WWTR1: variants seen among roughly 807,000 people sequenced by gnomAD.
WWTR1 encodes WW domain containing transcription regulator 1.
A neutral mutation model predicts 40.1 loss-of-function variants in WWTR1; 13 were observed. The observed-to-expected ratio is 0.32, with a 90% CI of 0.21 to 0.52. The LOEUF is 0.52. WWTR1 is among the 20% of genes least tolerant of loss of function. The probability of loss-of-function intolerance (pLI) is 0.97; values close to 1 mark genes in which losing one functional copy is unlikely to be tolerated. For missense variants in WWTR1, 436 were observed against 523.1 expected (o/e 0.83, Z 1.63); for synonymous variants, 230 against 210.1 (o/e 1.09, Z -0.82).
intron 2 of WWTR1, among the ~76,000 whole-genome samples, chr3:149,595,065 G>A (rs1361791431): frequency 7.1e-6 from 1 of 141,258 alleles, no homozygotes; most frequent in Non-Finnish European, 1.5e-5. Flanking sequence ...AGGTTCAAGC[G>A]ATTCTCCTGC....
At chr3:149,600,766 C>A (rs2108048957) in intron 2 of WWTR1, among the ~76,000 whole-genome samples, 1 of 152,242 alleles carries the variant, frequency 6.6e-6, no homozygotes, top group East Asian at 1.9e-4. Context: ...ATATGATGTA[C>A]CAGTTTCCGG....
At chr3:149,523,240 A>C (rs1040771931) in intron 6 of WWTR1, among the ~76,000 whole-genome samples, 3 of 148,504 alleles carry the variant, frequency 2.0e-5, no homozygotes, top group Admixed American at 2.0e-4. Flanking sequence ...AGAGACAAAC[A>C]CAAGGCAATT....
intron 2 of WWTR1, among the ~76,000 whole-genome samples, chr3:149,583,463 C>T (rs796712613): frequency 2.6e-5 from 4 of 152,146 alleles, no homozygotes; most frequent in Non-Finnish European, 4.4e-5. Flanking sequence ...CTCAGCCTCC[C>T]GAGGCTGGGT....
upstream of WWTR1, chr3:149,659,331 A>ATTTTTTTTTTTTTTTTTTTTT (rs71138403): frequency 1.9e-4 from 20 of 106,462 alleles, 1 homozygote; most frequent in African/African-American, 5.8e-4. Context: ...TTGTGCCTTA[A>ATTTTTTTTTTTTTTTTTTTTT]TTTTTTTTTT....
intron 2 of WWTR1, among the ~76,000 whole-genome samples, chr3:149,638,417 A>G (rs916838186): frequency 2.6e-5 from 4 of 152,210 alleles, no homozygotes; most frequent in African/African-American, 9.7e-5. Context: ...ACAAGCCCCA[A>G]GTACAGTATA....
intron 3 of WWTR1, among the ~76,000 whole-genome samples, chr3:149,549,019 A>C (rs1385208784): frequency 1.3e-5 from 2 of 152,196 alleles, no homozygotes; most frequent in Non-Finnish European, 2.9e-5. Context: ...TAAAAATGTA[A>C]TTTCCACAAA....
intron 3 of WWTR1, among the ~76,000 whole-genome samples, chr3:149,549,635 CA>C: frequency 6.6e-6 from 1 of 152,182 alleles, no homozygotes. Context: ...GCCAGGAGTT[CA>C]AGACCAACCT....
chr3:149,627,330 G>C (rs985023070), intron 2 of WWTR1, among the ~76,000 whole-genome samples: 1 of 152,118 alleles, frequency 6.6e-6, no homozygotes, highest in African/African-American at 2.4e-5. Flanking sequence ...CCCATTTTCA[G>C]CCATGTAGGG....
chr3:149,689,476 A>G (rs1047824564), intron 1 of WWTR1, among the ~76,000 whole-genome samples: 2 of 151,522 alleles, frequency 1.3e-5, no homozygotes, highest in Admixed American at 6.6e-5. Flanking sequence ...AAACTCCCAG[A>G]GGTCAAGGAT....
At chr3:149,590,026 T>C (rs1011495582) in intron 2 of WWTR1, among the ~76,000 whole-genome samples, 9 of 152,192 alleles carry the variant, frequency 5.9e-5, no homozygotes, top group African/African-American at 2.2e-4. Context: ...TCTCAATTCA[T>C]TCCTGTTGAT....
chr3:149,673,634 C>T (rs1714164400), intron 1 of WWTR1, among the ~76,000 whole-genome samples: 1 of 152,078 alleles, frequency 6.6e-6, no homozygotes, highest in Non-Finnish European at 1.5e-5. Flanking sequence ...AATGGCCCCT[C>T]CTAGGTTTTG....
intron 2 of WWTR1, among the ~76,000 whole-genome samples, chr3:149,579,748 CTT>C (rs905911504): frequency 1.1e-4 from 16 of 152,236 alleles, no homozygotes; most frequent in African/African-American, 3.9e-4. Context: ...ATTTTTAAAA[CTT>C]TTTTGATTTA....
intron 2 of WWTR1, among the ~76,000 whole-genome samples, chr3:149,633,904 C>T (rs908836353): frequency 9.9e-5 from 15 of 152,000 alleles, no homozygotes; most frequent in African/African-American, 3.6e-4. Flanking sequence ...GGAGATCAGC[C>T]CTGACAGGAC....
At chr3:149,589,371 A>C (rs1738589970) in intron 2 of WWTR1, among the ~76,000 whole-genome samples, 1 of 152,344 alleles carries the variant, frequency 6.6e-6, no homozygotes, top group African/African-American at 2.4e-5. Context: ...TATCAAAGGA[A>C]GAAACCTACT....
intron 4 of WWTR1, among the ~76,000 whole-genome samples, chr3:149,538,301 C>T (rs368484905): frequency 1.3e-5 from 2 of 152,228 alleles, no homozygotes; most frequent in African/African-American, 4.8e-5. Flanking sequence ...GAAAGCAAAA[C>T]TTCAATAAGA....
chr3:149,643,476 C>T (rs1022527330), intron 2 of WWTR1, among the ~76,000 whole-genome samples: 3 of 152,078 alleles, frequency 2.0e-5, no homozygotes, highest in Non-Finnish European at 2.9e-5. Flanking sequence ...TGTTTTTACC[C>T]GAGTCTTATA....
At chr3:149,613,864 A>T (rs1330448683) in intron 2 of WWTR1, among the ~76,000 whole-genome samples, 2 of 152,130 alleles carry the variant, frequency 1.3e-5, no homozygotes, top group African/African-American at 4.8e-5. Flanking sequence ...GTTATTTTTC[A>T]ACAATCAAAT....
At chr3:149,526,408 C>CT (rs766941536) in intron 5 of WWTR1, among the ~76,000 whole-genome samples, 2 of 148,938 alleles carry the variant, frequency 1.3e-5, no homozygotes, top group African/African-American at 2.5e-5. Flanking sequence ...TTATGTAAAA[C>CT]TTTAAAAAAA....
intron 2 of WWTR1, among the ~76,000 whole-genome samples, chr3:149,574,090 G>A (rs1221049755): frequency 2.0e-5 from 3 of 151,954 alleles, no homozygotes; most frequent in Non-Finnish European, 2.9e-5. Context: ...GAGTACAGTG[G>A]CATAATCATG....
Sources: gnomAD v4.1 joint callset for allele counts (sites outside exome capture counted in the v4.1 genomes callset) on GRCh38, gnomAD v4.1.1 for gene constraint, MANE v1.5 for transcripts, NCBI Gene and HGNC (gene_info 2026-07-23, HGNC 2026-07-21) for gene names.